Variants in DNAH17 observed in about 807,000 individuals in gnomAD.
DNAH17 encodes the protein axonemal beta dynein heavy chain 17.
DNAH17 carries 376 observed loss-of-function variants against 485.6 expected under a neutral mutation model. The observed-to-expected ratio is 0.77, with a 90% CI of 0.71 to 0.84. DNAH17 has a LOEUF of 0.84. Ranked by LOEUF, DNAH17 falls within the 40% of genes least tolerant of loss-of-function variation. DNAH17 has a pLI of 0.00. For synonymous variants in DNAH17, 3,031 were observed against 2,405.9 expected, an observed-to-expected ratio of 1.26 and a Z score of -7.60; for missense variants, 6,370 against 5,839.3, an observed-to-expected ratio of 1.09 and a Z score of -2.96.
rs541162616 is a variant in DNAH17 at position 78,526,213 on chromosome 17, C to G, written c.3711+438G>C. 6.6e-5 allele frequency among the ~76,000 whole-genome samples: 10 copies of G among 152,324 alleles called. No individual in the cohort carries two copies. The East Asian group carries it at 1.9e-3, about 29-fold the overall frequency. The stretch of plus-strand genomic sequence containing the variant: ...GAACAGAGTGGGAACACGAGTGAAG[C>G]CTGGCTGCTGCCCGATGTGGTGGGT... On this transcript the variant is annotated intron_variant, in intron 24 of 80. Transcript: ENST00000389840.
chr17:78,536,746 C>T (rs115754940), intron 19 of DNAH17, among the ~76,000 whole-genome samples: 10 of 150,220 alleles, frequency 6.7e-5, no homozygotes, highest in South Asian at 2.1e-4. Context: ...GGCATCGTGT[C>T]GGGGGGTTGG....
chr17:78,495,758 CT>C, intron 38 of DNAH17, 116 bp downstream of exon 38: 1 of 1,299,144 alleles, frequency 7.7e-7, no homozygotes, highest in Non-Finnish European at 1.0e-6. Context: ...CTTTTGATGA[CT>C]TCTTCCCTCC....
intron 25 of DNAH17, among the ~76,000 whole-genome samples, chr17:78,518,032 C>T (rs190522465): frequency 1.3e-5 from 2 of 152,066 alleles, no homozygotes; most frequent in African/African-American, 4.8e-5. Flanking sequence ...CAGAATCACT[C>T]TAAATAAATC....
Position 78,507,228 on chromosome 17 carries a change from A to G in DNAH17, c.4676+50T>C, listed in dbSNP as rs747046448. On this transcript the variant is annotated intron_variant, in intron 29 of 80. Transcript: ENST00000389840. The stretch of plus-strand genomic sequence containing the variant: ...TTAAGTTCCGTCAGACTTAAGACTT[A>G]GGGAATCTGCACCACTGACTCCCCT... 63 of 1,595,900 alleles carry G rather than the reference A, an allele frequency of 3.9e-5. No individual in the cohort carries two copies. In the African/African-American group the frequency reaches 6.4e-4, roughly 16 times the overall value.
rs537043508 is a variant in DNAH17, at chr17:78,431,448, A to ACCCC, written c.12226-2152_12226-2149dup. On this transcript the variant is annotated intron_variant, in intron 75 of 80. Transcript: ENST00000389840. ...TGCATTTCCCGTACCTGCTGAGGGA[A>ACCCC]CCCCCCACCCCGAGACTCCTGGGGG... Among the ~76,000 whole-genome samples, 1,109 of 135,640 alleles carry ACCCC rather than the reference A, an allele frequency of 8.2e-3. 35 individuals are homozygous for ACCCC. Among genetic ancestry groups the ACCCC allele is most frequent in the Non-Finnish European group, 0.011 (654 of 62,158 alleles). The allele number at this position is 135,640 out of a possible 152,430, so 89.0% of individuals were successfully genotyped here.
At chr17:78,431,030 C>A (rs1385131190) in intron 75 of DNAH17, among the ~76,000 whole-genome samples, 1 of 148,366 alleles carries the variant, frequency 6.7e-6, no homozygotes, top group African/African-American at 2.5e-5. Context: ...ACAGTCACAC[C>A]ACCATGCCAG....
chr17:78,499,081 T>C lies in DNAH17; in HGVS notation c.5672A>G (p.Gln1891Arg), dbSNP rs1387303367. Residue 1891 changes from glutamine to arginine, a missense_variant, in exon 37 of 81, where the codon CAG (glutamine) becomes CGG (arginine). Gln to Arg is a conservative substitution (Grantham distance 43). Transcript: ENST00000389840. Reference protein sequence around the residue: ...SCGNIYKGLAQTGAWGCFDEF... With the variant: ...SCGNIYKGLARTGAWGCFDEF... ...GTCAAAGCAGCCCCAGGCTCCCGTC[T>C]GGGCCAGGCCCTTGTAGATATTTCC... 2 of 1,608,224 alleles carry C rather than the reference T, an allele frequency of 1.2e-6. No homozygotes were observed. The highest frequency in any genetic ancestry group is 1.7e-5 in the Admixed American group (1 of 59,264).
intron 25 of DNAH17, among the ~76,000 whole-genome samples, chr17:78,521,393 C>A (rs746650362): frequency 6.6e-6 from 1 of 151,856 alleles, no homozygotes; most frequent in Admixed American, 6.6e-5. Flanking sequence ...GTGACAAGAG[C>A]GACACTCCAT....
chr17:78,570,180 C>T (rs1479388762), intron 7 of DNAH17, 67 bp downstream of exon 7: 2 of 1,492,390 alleles, frequency 1.3e-6, no homozygotes, highest in Non-Finnish European at 1.8e-6. Flanking sequence ...AGCAGGAAAA[C>T]AGTGAACCGG....
chr17:78,495,180 A>G (rs1321876378), intron 38 of DNAH17, 83 bp from the exon 39 acceptor site: 2 of 1,459,514 alleles, frequency 1.4e-6, no homozygotes, highest in African/African-American at 2.8e-5. Context: ...CACCTAGGAG[A>G]GCACACCTCG....
chr17:78,501,595 C>T, intron 34 of DNAH17, 147 bp downstream of exon 34: 1 of 1,234,398 alleles, frequency 8.1e-7, no homozygotes, highest in Non-Finnish European at 1.1e-6. Flanking sequence ...TGAGTCCGGG[C>T]AAGGAGGTTA....
chr17:78,567,178 G>A lies in DNAH17; in HGVS notation c.1285-12C>T. The A allele has an allele frequency of 1.3e-6, 2 of 1,584,820 alleles. No homozygotes were observed. Among genetic ancestry groups the A allele is most frequent in the Non-Finnish European group, 1.7e-6 (2 of 1,165,442 alleles). On this transcript the variant is annotated splice_polypyrimidine_tract_variant and intron_variant, in intron 9 of 80. Transcript: ENST00000389840. ...GTTTTATAGAGTTCCTAGTGGAGGA[G>A]AAAAACACAGTCAATTCATCTTCAC...
At chr17:78,505,233 G>A (rs2090449183) in intron 31 of DNAH17, 60 bp downstream of exon 31, 6 of 1,600,094 alleles carry the variant, frequency 3.7e-6, no homozygotes, top group Non-Finnish European at 5.1e-6. Flanking sequence ...AGGGCGTGTG[G>A]CCCACACGCG....
At chr17:78,576,069 T>TG (rs1409326172) in intron 1 of DNAH17, among the ~76,000 whole-genome samples, 2 of 152,150 alleles carry the variant, frequency 1.3e-5, no homozygotes, top group African/African-American at 4.8e-5. Context: ...TCAGCTGCTC[T>TG]GGGGGTCCGT....
Position 78,480,797 on chromosome 17 carries a change from A to G in DNAH17, c.7650-11T>C, listed in dbSNP as rs766569972. On this transcript the variant is annotated splice_polypyrimidine_tract_variant and intron_variant, in intron 48 of 80. Transcript: ENST00000389840. ...TTATGTCTGTCATACCTGAGGGGGG[A>G]AACCAGCATTCATGTTGTGCCCCTG... The G allele has an allele frequency of 1.1e-5, 18 of 1,602,268 alleles. No homozygotes were observed. Among genetic ancestry groups the G allele is most frequent in the Non-Finnish European group, 1.4e-5 (16 of 1,172,056 alleles).
At chr17:78,526,108 G>A (rs908544011) in intron 24 of DNAH17, among the ~76,000 whole-genome samples, 9 of 152,254 alleles carry the variant, frequency 5.9e-5, no homozygotes, top group Admixed American at 4.6e-4. Context: ...AGGGCCTTTT[G>A]GGCCTGAGCT....
At position 78,424,312 on chromosome 17, in the gene DNAH17, G is replaced by A. The variant is rs55973973; in HGVS notation, c.13142-159C>T. On this transcript the variant is annotated intron_variant, in intron 80 of 80. Transcript: ENST00000389840. Reference sequence around the variant, plus strand: ...GCCACGGCTGGAAGCAGAGGCCTTCGTAGGTGATGGCCTGCATGTTGTAAC... The same window carrying A: ...GCCACGGCTGGAAGCAGAGGCCTTCATAGGTGATGGCCTGCATGTTGTAAC... The A allele has an allele frequency of 0.16, 139,754 of 858,100 alleles. 11,878 individuals carry two copies. Among genetic ancestry groups the A allele is most frequent in the Middle Eastern group, 0.21 (569 of 2,748 alleles). The allele number at this position is 858,100 out of a possible 1,614,324, so 53.2% of individuals were successfully genotyped here. A position where few individuals can be genotyped will look rare whatever the true frequency, so the allele number is the denominator to read the frequency against.
chr17:78,492,656 G>A lies in DNAH17; in HGVS notation c.6518C>T (p.Pro2173Leu), dbSNP rs565994724. Reference protein sequence around the residue: ...TCDELFGIINPVTREWKDGLF... With the variant: ...TCDELFGIINLVTREWKDGLF... ...ACCATCTTTCCATTCCCTGGTCACT[G>A]GGTTGATGATGCCAAAGAGCTCGTC... Residue 2173 changes from proline (P) to leucine (L), a missense_variant, in exon 42 of 81, where the codon CCA becomes CTA. Coordinates refer to ENST00000389840, the MANE Select transcript of DNAH17 (RefSeq NM_173628.4). 35 of 1,613,764 alleles carry A rather than the reference G, an allele frequency of 2.2e-5. No individual in the cohort carries two copies. In the East Asian group the frequency reaches 6.9e-4, roughly 32 times the overall value.
chr17:78,519,783 G>A (rs1374854917), intron 25 of DNAH17, among the ~76,000 whole-genome samples: 1 of 152,104 alleles, frequency 6.6e-6, no homozygotes, highest in Non-Finnish European at 1.5e-5. Context: ...AAGCCTGTAT[G>A]GCCATTAAAG....
Sources: allele counts gnomAD v4.1 joint callset (sites outside exome capture counted in the v4.1 genomes callset), GRCh38; gene constraint gnomAD v4.1.1; transcripts MANE v1.5; gene names NCBI Gene and HGNC (gene_info 2026-07-23, HGNC 2026-07-21).